Variants in OR5K2 observed in about 807,000 individuals in gnomAD.
The protein encoded by OR5K2 is olfactory receptor family 5 subfamily K member 2.
For missense variants in OR5K2, 402 were observed against 369.8 expected (o/e 1.09, Z -0.71); for synonymous variants, 124 against 133.2 (o/e 0.93, Z 0.48).
Position 98,497,953 on chromosome 3 carries a change from G to A in OR5K2, c.273G>A (p.Arg91=). The change falls in exon 1 of 1, where the codon AGG becomes AGA. Residue 91 remains arginine, a synonymous_variant. Transcript: ENST00000427338. ...MLENFFSEGK[R]ISLYECAVQF... ...AGAACTTCTTTTCTGAGGGCAAAAG[G>A]ATTTCCCTCTATGAATGTGCAGTAC... 2 of 1,614,064 alleles carry A rather than the reference G, an allele frequency of 1.2e-6. No homozygotes were observed. Among genetic ancestry groups the A allele is most frequent in the Non-Finnish European group, 1.7e-6 (2 of 1,179,962 alleles).
chr3:98,498,255 C>T lies in OR5K2; in HGVS notation c.575C>T (p.Pro192Leu). Residue 192 changes from proline (P) to leucine (L), a missense_variant, in exon 1 of 1, where the codon CCT becomes CTT. Transcript: ENST00000427338. ...TTGTATAGACTCTCCTGTGTTGACC[C>T]TTTCATCAATGAACTGGTTCTATTC... ...LPLYRLSCVDPFINELVLFIF... is the reference protein window; with the variant it reads ...LPLYRLSCVDLFINELVLFIF... 1.2e-6 allele frequency: 2 copies of T among 1,614,062 alleles called. No individual in the cohort carries two copies. Among genetic ancestry groups the T allele is most frequent in the South Asian group, 1.1e-5 (1 of 91,084 alleles).
In OR5K2 at chr3:98,498,049, T is replaced by A. The variant is rs770822913; in HGVS notation, c.369T>A (p.Tyr123Ter). Residue 123 changes from tyrosine (Y) to a stop codon, truncating the protein, a stop_gained, in exon 1 of 1, where the codon TAT becomes TAA. Coordinates refer to ENST00000427338, the MANE Select transcript of OR5K2 (RefSeq NM_001004737.1). LOFTEE classifies it low-confidence loss of function (END_TRUNC). ...FLLAAVAYDR[Y>*]VAICNPLQYH... The stretch of plus-strand genomic sequence containing the variant: ...TGGCAGCAGTGGCCTATGACCGCTA[T>A]GTGGCCATCTGCAACCCACTGCAGT... 6.2e-7 allele frequency: 1 copy of A among 1,614,124 alleles called. No homozygotes were observed. Among genetic ancestry groups the A allele is most frequent in the South Asian group, 1.1e-5 (1 of 91,086 alleles).
At position 98,497,862 on chromosome 3, in the gene OR5K2, T is replaced by A; in HGVS notation, c.182T>A (p.Ile61Asn). 6.2e-7 allele frequency: 1 copy of A among 1,614,110 alleles called. No individual in the cohort carries two copies. Among genetic ancestry groups the A allele is most frequent in the Non-Finnish European group, 8.5e-7 (1 of 1,179,980 alleles). The change falls in exon 1 of 1, where the codon ATC (isoleucine) becomes AAC (asparagine). Residue 61 changes from isoleucine (I) to asparagine (N), a missense_variant. Coordinates refer to ENST00000427338, the MANE Select transcript of OR5K2 (RefSeq NM_001004737.1). ...THCRLHTPMY[I>N]FLGNLALVDS... Reference sequence around the variant, plus strand: ...TGTCGGCTTCACACACCAATGTACATCTTTCTGGGAAATCTGGCTCTTGTG... The same window carrying A: ...TGTCGGCTTCACACACCAATGTACAACTTTCTGGGAAATCTGGCTCTTGTG...
In OR5K2 at chr3:98,498,360, G is replaced by A. The variant is rs747560661; in HGVS notation, c.680G>A (p.Arg227Lys). 47 of 1,613,698 alleles carry A rather than the reference G, an allele frequency of 2.9e-5. No individual in the cohort carries two copies. The highest frequency in any genetic ancestry group is 3.8e-5 in the Non-Finnish European group (45 of 1,179,818). ...CTCTATATTCTTCTTACTATTTTCA[G>A]AATGAAATCCAAGGAGGGAAGGGCC... is the stretch of plus-strand genomic sequence containing the variant. ...SYLYILLTIF[R>K]MKSKEGRAKA... The change falls in exon 1 of 1, where the codon AGA (arginine) becomes AAA (lysine). Residue 227 changes from arginine to lysine, a missense_variant. Coordinates refer to ENST00000427338, the MANE Select transcript of OR5K2 (RefSeq NM_001004737.1).
At position 98,497,953 on chromosome 3, in the gene OR5K2, G is replaced by T; in HGVS notation, c.273G>T (p.Arg91Ser). 1.2e-6 allele frequency: 2 copies of T among 1,614,064 alleles called. No homozygotes were observed. Among genetic ancestry groups the T allele is most frequent in the South Asian group, 1.1e-5 (1 of 91,078 alleles). Residue 91 changes from arginine to serine, a missense_variant, in exon 1 of 1, where the codon AGG becomes AGT. Coordinates refer to ENST00000427338, the MANE Select transcript of OR5K2 (RefSeq NM_001004737.1). ...MLENFFSEGK[R>S]ISLYECAVQF... The stretch of plus-strand genomic sequence containing the variant: ...AGAACTTCTTTTCTGAGGGCAAAAG[G>T]ATTTCCCTCTATGAATGTGCAGTAC...
Position 98,497,945 on chromosome 3 carries a change from G to A in OR5K2, c.265G>A (p.Gly89Ser), listed in dbSNP as rs897683541. 2.4e-5 allele frequency: 38 copies of A among 1,613,862 alleles called. 1 individual carries two copies. The highest frequency in any genetic ancestry group is 2.3e-4 in the South Asian group (21 of 91,062). ...AATGTTAGAGAACTTCTTTTCTGAG[G>A]GCAAAAGGATTTCCCTCTATGAATG... ...PKMLENFFSE[G>S]KRISLYECAV... is the part of the protein sequence containing the mutation. Residue 89 changes from glycine to serine, a missense_variant, in exon 1 of 1, where the codon GGC becomes AGC. Transcript: ENST00000427338.
rs764905742 is a variant in OR5K2 at position 98,498,342 on chromosome 3, T to A, written c.662T>A (p.Ile221Asn). 6.0e-5 allele frequency: 97 copies of A among 1,613,696 alleles called. No individual in the cohort carries two copies. The highest frequency in any genetic ancestry group is 7.7e-5 in the Non-Finnish European group (91 of 1,179,804). Residue 221 changes from isoleucine (I) to asparagine (N), a missense_variant, in exon 1 of 1, where the codon ATT becomes AAT. By Grantham distance (149) the Ile-to-Asn change is moderately radical. Coordinates refer to ENST00000427338, the MANE Select transcript of OR5K2 (RefSeq NM_001004737.1). ...IGSVLISYLY[I>N]LLTIFRMKSK... ...AGTGTCTTAATATCTTATCTCTATA[T>A]TCTTCTTACTATTTTCAGAATGAAA...
chr3:98,498,191 T>A lies in OR5K2; in HGVS notation c.511T>A (p.Leu171Met). 4 of 1,614,126 alleles carry A rather than the reference T, an allele frequency of 2.5e-6. No homozygotes were observed. The highest frequency in any genetic ancestry group is 3.4e-6 in the Non-Finnish European group (4 of 1,179,958). ...TGTATTTAGGTTAGTTTTCTGTGGA[T>A]TGAATCACATCAACCACTTTTACTG... ...GLVFRLVFCGLNHINHFYCDT... is the reference protein window; with the variant it reads ...GLVFRLVFCGMNHINHFYCDT... Residue 171 changes from leucine (L) to methionine (M), a missense_variant, in exon 1 of 1, where the codon TTG becomes ATG. By Grantham distance (15) the Leu-to-Met change is conservative. Transcript: ENST00000427338.
chr3:98,497,692 A>C lies in OR5K2; in HGVS notation c.12A>C (p.Glu4Asp). 1 of 1,612,446 alleles carries C rather than the reference A, an allele frequency of 6.2e-7. No homozygotes were observed. The highest frequency in any genetic ancestry group is 8.5e-7 in the Non-Finnish European group (1 of 1,178,862). The stretch of plus-strand genomic sequence containing the variant: ...CAGAGAGGTCAGGAATGGTTGAAGA[A>C]AATCATACCATGAAAAATGAGTTTA... MVE[E>D]NHTMKNEFIL... The change falls in exon 1 of 1, where the codon GAA becomes GAC. Residue 4 changes from glutamate to aspartate, a missense_variant. By Grantham distance (45) the Glu-to-Asp change is conservative. Transcript: ENST00000427338.
chr3:98,497,742 C>G lies in OR5K2; in HGVS notation c.62C>G (p.Pro21Arg), dbSNP rs143260385. The G allele has an allele frequency of 8.8e-3, 14,263 of 1,613,924 alleles. 107 individuals carry two copies. The highest frequency in any genetic ancestry group is 9.8e-3 in the Non-Finnish European group (11,558 of 1,179,904). Reference protein sequence around the residue: ...EFILTGFTDHPELKTLLFVVF... With the variant: ...EFILTGFTDHRELKTLLFVVF... ...ATCCTCACAGGATTTACAGATCACCCTGAGCTGAAGACTCTGCTGTTTGTG... is the reference window on the plus strand; with the variant it reads ...ATCCTCACAGGATTTACAGATCACCGTGAGCTGAAGACTCTGCTGTTTGTG... The change falls in exon 1 of 1, where the codon CCT (proline) becomes CGT (arginine). Residue 21 changes from proline (P) to arginine (R), a missense_variant. Transcript: ENST00000427338.
At position 98,498,254 on chromosome 3, in the gene OR5K2, C is replaced by G; in HGVS notation, c.574C>G (p.Pro192Ala). 6.2e-7 allele frequency: 1 copy of G among 1,614,012 alleles called. No individual in the cohort carries two copies. The highest frequency in any genetic ancestry group is 8.5e-7 in the Non-Finnish European group (1 of 1,179,948). The stretch of plus-strand genomic sequence containing the variant: ...CTTGTATAGACTCTCCTGTGTTGAC[C>G]CTTTCATCAATGAACTGGTTCTATT... ...LPLYRLSCVD[P>A]FINELVLFIF... The change falls in exon 1 of 1, where the codon CCT (proline) becomes GCT (alanine). Residue 192 changes from proline to alanine, a missense_variant. Physicochemically the swap from Pro to Ala is conservative, Grantham distance 27. Coordinates refer to ENST00000427338, the MANE Select transcript of OR5K2 (RefSeq NM_001004737.1).
In OR5K2 at chr3:98,497,980, G is replaced by A. The variant is rs1400408050; in HGVS notation, c.300G>A (p.Gln100=). 1 of 1,613,956 alleles carries A rather than the reference G, an allele frequency of 6.2e-7. No individual in the cohort carries two copies. The highest frequency in any genetic ancestry group is 2.2e-5 in the East Asian group (1 of 44,886). The stretch of plus-strand genomic sequence containing the variant: ...TTTCCCTCTATGAATGTGCAGTACA[G>A]TTTTATTTTCTTTGCACTGTGGAAA... ...KRISLYECAV[Q]FYFLCTVETA... is the part of the protein sequence containing the mutation. Residue 100 remains glutamine (Q), a synonymous_variant, in exon 1 of 1, where the codon CAG becomes CAA. Transcript: ENST00000427338.
In OR5K2 at chr3:98,498,325, A is replaced by C. The variant is rs770199727; in HGVS notation, c.645A>C (p.Leu215Phe). The part of the protein sequence containing the change: ...SVQVFTIGSV[L>F]ISYLYILLTI... ...AAGTCTTTACCATAGGTAGTGTCTTAATATCTTATCTCTATATTCTTCTTA... is the reference window on the plus strand; with the variant it reads ...AAGTCTTTACCATAGGTAGTGTCTTCATATCTTATCTCTATATTCTTCTTA... Residue 215 changes from leucine to phenylalanine, a missense_variant, in exon 1 of 1, where the codon TTA becomes TTC. Coordinates refer to ENST00000427338, the MANE Select transcript of OR5K2 (RefSeq NM_001004737.1). The C allele has an allele frequency of 4.3e-6, 7 of 1,613,754 alleles. No homozygotes were observed. The highest frequency in any genetic ancestry group is 1.7e-5 in the Admixed American group (1 of 59,928).
In OR5K2 at chr3:98,498,173, A is replaced by C. The variant is rs574053210; in HGVS notation, c.493A>C (p.Arg165=). The change falls in exon 1 of 1, where the codon AGG becomes CGG. Residue 165 remains arginine, a synonymous_variant. Transcript: ENST00000427338. The part of the protein sequence containing the change: ...HSMIHVGLVF[R]LVFCGLNHIN... ...CATGATTCATGTAGGGCTTGTATTT[A>C]GGTTAGTTTTCTGTGGATTGAATCA... 1.9e-6 allele frequency: 3 copies of C among 1,614,096 alleles called. No individual in the cohort carries two copies. In the African/African-American group the frequency reaches 4.0e-5, roughly 22 times the overall value.
Position 98,498,121 on chromosome 3 carries a change from C to A in OR5K2, c.441C>A (p.Gly147=), listed in dbSNP as rs142515559. The A allele has an allele frequency of 1.9e-6, 3 of 1,614,026 alleles. No homozygotes were observed. Among genetic ancestry groups the A allele is most frequent in the Non-Finnish European group, 2.5e-6 (3 of 1,179,968 alleles). The change falls in exon 1 of 1, where the codon GGC becomes GGA. Residue 147 remains glycine (G), a synonymous_variant. Transcript: ENST00000427338. ...AACTCTGCATTCAGATGACCACAGG[C>A]GCCTTCATAGCTGGAAATCTGCATT... is the stretch of plus-strand genomic sequence containing the variant. The part of the protein sequence containing the change: ...SKKLCIQMTT[G]AFIAGNLHSM...
chr3:98,498,438 G>A lies in OR5K2; in HGVS notation c.758G>A (p.Gly253Glu). Reference sequence around the variant, plus strand: ...TTTTCATCAGTTTCATTATTCTATGGATCTATTTTTTTCCTATACATTAGA... The same window carrying A: ...TTTTCATCAGTTTCATTATTCTATGAATCTATTTTTTTCCTATACATTAGA... ...SHFSSVSLFY[G>E]SIFFLYIRPN... The change falls in exon 1 of 1, where the codon GGA (glycine) becomes GAA (glutamate). Residue 253 changes from glycine to glutamate, a missense_variant. Coordinates refer to ENST00000427338, the MANE Select transcript of OR5K2 (RefSeq NM_001004737.1). 6.2e-7 allele frequency: 1 copy of A among 1,613,490 alleles called. No individual in the cohort carries two copies. The highest frequency in any genetic ancestry group is 2.2e-5 in the East Asian group (1 of 44,842).
chr3:98,497,797 G>C lies in OR5K2; in HGVS notation c.117G>C (p.Val39=). The C allele has an allele frequency of 6.2e-7, 1 of 1,614,012 alleles. No homozygotes were observed. Among genetic ancestry groups the C allele is most frequent in the Non-Finnish European group, 8.5e-7 (1 of 1,179,958 alleles). ...VVFFAIYLIT[V]VGNISLVALI... Reference sequence around the variant, plus strand: ...TCTTTGCCATCTATCTGATCACCGTGGTGGGGAATATTAGTTTGGTGGCAC... The same window carrying C: ...TCTTTGCCATCTATCTGATCACCGTCGTGGGGAATATTAGTTTGGTGGCAC... The change falls in exon 1 of 1, where the codon GTG becomes GTC. Residue 39 remains valine, a synonymous_variant. Transcript: ENST00000427338.
In OR5K2 at chr3:98,497,912, A is replaced by G. The variant is rs945801591; in HGVS notation, c.232A>G (p.Thr78Ala). The G allele has an allele frequency of 1.9e-6, 3 of 1,614,044 alleles. No homozygotes were observed. Among genetic ancestry groups the G allele is most frequent in the East Asian group, 2.2e-5 (1 of 44,872 alleles). ...GGATTCTTGCTGTGCCTGTGCTATT[A>G]CCCCCAAAATGTTAGAGAACTTCTT... is the stretch of plus-strand genomic sequence containing the variant. ...LVDSCCACAITPKMLENFFSE... is the reference protein window; with the variant it reads ...LVDSCCACAIAPKMLENFFSE... Residue 78 changes from threonine to alanine, a missense_variant, in exon 1 of 1, where the codon ACC becomes GCC. Coordinates refer to ENST00000427338, the MANE Select transcript of OR5K2 (RefSeq NM_001004737.1).
At position 98,498,504 on chromosome 3, in the gene OR5K2, C is replaced by T; in HGVS notation, c.824C>T (p.Ala275Val). The T allele has an allele frequency of 6.2e-7, 1 of 1,609,702 alleles. No individual in the cohort carries two copies. The highest frequency in any genetic ancestry group is 8.5e-7 in the Non-Finnish European group (1 of 1,176,270). ...GAAGGAGGTAATGATATACCAGCTG[C>T]TATTTTATTTACAATAGTAGTTCCC... ...LEEGGNDIPA[A>V]ILFTIVVPLL... Residue 275 changes from alanine (A) to valine (V), a missense_variant, in exon 1 of 1, where the codon GCT becomes GTT. By Grantham distance (64) the Ala-to-Val change is moderately conservative. Transcript: ENST00000427338.
Sources: allele counts gnomAD v4.1 joint callset, GRCh38; gene constraint gnomAD v4.1.1; transcripts MANE v1.5; gene names NCBI Gene and HGNC (gene_info 2026-07-23, HGNC 2026-07-21).